AUTS2: variants seen among roughly 807,000 people sequenced by gnomAD.
The protein encoded by AUTS2 is autism susceptibility gene 2 protein.
AUTS2 carries 17 observed loss-of-function variants against 112.4 expected under a neutral mutation model. That is an observed-to-expected ratio of 0.15 (90% CI 0.10 to 0.23). The LOEUF (loss-of-function observed/expected upper bound fraction) is 0.23, where lower values mean the gene tolerates loss of function less well. Among genes scored for constraint, AUTS2 ranks in the 10% least tolerant of loss-of-function variants. The pLI is 1.00. For missense variants in AUTS2, 1,510 were observed against 1,701.6 expected, an observed-to-expected ratio of 0.89 and a Z score of 1.98; for synonymous variants, 751 against 702.7, an observed-to-expected ratio of 1.07 and a Z score of -1.09.
chr7:69,725,343 T>C (rs1160131522), intron 1 of AUTS2, among the ~76,000 whole-genome samples: 1 of 152,168 alleles, frequency 6.6e-6, no homozygotes, highest in African/African-American at 2.4e-5. Flanking sequence ...TGTAAGAATG[T>C]GATGGGCATG....
At chr7:70,786,987 C>G (rs1791540252) in intron 17 of AUTS2, 1 of 632,960 alleles carries the variant, frequency 1.6e-6, no homozygotes, top group African/African-American at 1.9e-5. Flanking sequence ...CCCACCTTTG[C>G]TTTTGGTTTT....
At chr7:70,567,671 GC>G (rs1306619437) in intron 5 of AUTS2, among the ~76,000 whole-genome samples, 2 of 152,166 alleles carry the variant, frequency 1.3e-5, no homozygotes, top group Non-Finnish European at 2.9e-5. Context: ...GCCGGCAGAA[GC>G]CCCAAAATGG....
intron 2 of AUTS2, among the ~76,000 whole-genome samples, chr7:70,108,783 CA>C (rs528009205): frequency 1.8e-3 from 123 of 69,142 alleles, no homozygotes; most frequent in East Asian, 3.0e-3. Flanking sequence ...GCCAACATGG[CA>C]AAAAAAAAAA....
chr7:70,235,031 C>T (rs1812247179), intron 4 of AUTS2, among the ~76,000 whole-genome samples: 1 of 152,154 alleles, frequency 6.6e-6, no homozygotes, highest in South Asian at 2.1e-4. Flanking sequence ...AATTGAAGGA[C>T]TTTCCTCAAA....
intron 2 of AUTS2, among the ~76,000 whole-genome samples, chr7:70,043,571 TC>T (rs1801345398): frequency 9.3e-6 from 1 of 107,164 alleles, no homozygotes; most frequent in African/African-American, 4.1e-5. Flanking sequence ...CTTCCTTCCT[TC>T]CTTCCTTCCT....
intron 1 of AUTS2, among the ~76,000 whole-genome samples, chr7:69,735,995 C>G (rs1178451182): frequency 6.6e-6 from 1 of 152,196 alleles, no homozygotes; most frequent in Non-Finnish European, 1.5e-5. Flanking sequence ...AGCTTTGTGT[C>G]TGCAGGGACT....
intron 5 of AUTS2, among the ~76,000 whole-genome samples, chr7:70,656,353 A>G (rs1208242324): frequency 1.3e-5 from 2 of 152,138 alleles, no homozygotes; most frequent in Non-Finnish European, 2.9e-5. Flanking sequence ...TCTTAATTTC[A>G]TGGAATAGTT....
chr7:70,765,341 C>T (rs906483894), intron 8 of AUTS2, among the ~76,000 whole-genome samples: 2 of 152,164 alleles, frequency 1.3e-5, no homozygotes, highest in African/African-American at 2.4e-5. Flanking sequence ...GCGATGGAAG[C>T]GTCCCCAAGC....
At chr7:70,417,343 G>T (rs750763675) in intron 4 of AUTS2, among the ~76,000 whole-genome samples, 2 of 152,162 alleles carry the variant, frequency 1.3e-5, no homozygotes, top group African/African-American at 4.8e-5. Flanking sequence ...GCTCTTAGAA[G>T]GCCCTTGATG....
chr7:70,058,251 G>A (rs931117887), intron 2 of AUTS2, among the ~76,000 whole-genome samples: 11 of 152,300 alleles, frequency 7.2e-5, no homozygotes, highest in African/African-American at 2.2e-4. Context: ...TTAAATATCA[G>A]TGGAGCCAGC....
intron 4 of AUTS2, chr7:70,290,490 AT>A: frequency 6.5e-7 from 1 of 1,541,606 alleles, no homozygotes; most frequent in South Asian, 1.2e-5. Context: ...CTCTCGTCAA[AT>A]TGCTTAAAGG....
chr7:69,705,182 T>C (rs548081194), intron 1 of AUTS2, among the ~76,000 whole-genome samples: 2 of 152,356 alleles, frequency 1.3e-5, no homozygotes, highest in African/African-American at 4.8e-5. Flanking sequence ...ATGTCTTCTA[T>C]GCCTAGACTG....
intron 4 of AUTS2, among the ~76,000 whole-genome samples, chr7:70,423,138 T>C (rs779874775): frequency 3.5e-4 from 53 of 152,152 alleles, no homozygotes; most frequent in Non-Finnish European, 7.1e-4. Flanking sequence ...GTCATTTCCA[T>C]GTGTCCTGAA....
intron 2 of AUTS2, among the ~76,000 whole-genome samples, chr7:70,088,032 T>C (rs1370816090): frequency 2.6e-5 from 4 of 151,970 alleles, no homozygotes; most frequent in Non-Finnish European, 5.9e-5. Context: ...TGACAATTCA[T>C]GTCTTTTTTT....
At position 70,503,590 on chromosome 7, in the gene AUTS2, C is replaced by G. The variant is rs184949464; in HGVS notation, c.690+67809C>G. 2.1e-5 allele frequency among the ~76,000 whole-genome samples: 3 copies of G among 146,290 alleles called. No homozygotes were observed. In the East Asian group the frequency reaches 6.0e-4, roughly 29 times the overall value. On this transcript the variant is annotated intron_variant, in intron 5 of 18. Coordinates refer to ENST00000342771, the MANE Select transcript of AUTS2 (RefSeq NM_015570.4). ...CTGGAGTGCAGTGGCTTGATCATAG[C>G]TCGTTGCAGCCTTGAACTCCCAGCC...
At chr7:70,579,754 T>G (rs1012957935) in intron 5 of AUTS2, among the ~76,000 whole-genome samples, 2 of 152,230 alleles carry the variant, frequency 1.3e-5, no homozygotes, top group Non-Finnish European at 2.9e-5. Flanking sequence ...GCTAAGTGAT[T>G]GAATTCACAA....
intron 2 of AUTS2, among the ~76,000 whole-genome samples, chr7:69,971,679 G>T (rs7797340): frequency 6.6e-6 from 1 of 151,756 alleles, no homozygotes; most frequent in Non-Finnish European, 1.5e-5. Context: ...TAATTTTGTC[G>T]TCTCAAGAAT....
At chr7:69,979,854 T>C (rs1194935094) in intron 2 of AUTS2, among the ~76,000 whole-genome samples, 1 of 152,210 alleles carries the variant, frequency 6.6e-6, no homozygotes, top group East Asian at 1.9e-4. Flanking sequence ...ATTCGCCTTG[T>C]TTTTTAAATG....
At chr7:70,103,136 A>G (rs1804589434) in intron 2 of AUTS2, among the ~76,000 whole-genome samples, 1 of 152,220 alleles carries the variant, frequency 6.6e-6, no homozygotes, top group Non-Finnish European at 1.5e-5. Context: ...AGCTATCCAA[A>G]GGAACAAACA....
Sources: allele counts gnomAD v4.1 joint callset (sites outside exome capture counted in the v4.1 genomes callset), GRCh38; gene constraint gnomAD v4.1.1; transcripts MANE v1.5; gene names NCBI Gene and HGNC (gene_info 2026-07-23, HGNC 2026-07-21).